The following DLG1 variants were observed in gnomAD, a reference collection of about 807,000 sequenced individuals.
DLG1 encodes disks large homolog 1.
A neutral mutation model predicts 123.4 loss-of-function variants in DLG1; 42 were observed. The observed-to-expected ratio is 0.34, with a 90% confidence interval of 0.27 to 0.44. The LOEUF (loss-of-function observed/expected upper bound fraction) is 0.44. Among genes scored for constraint, DLG1 ranks in the 20% least tolerant of loss-of-function variants. The pLI, the probability that DLG1 is intolerant of heterozygous loss-of-function variation, is 1.00. For synonymous variants in DLG1, 317 were observed against 356.2 expected, an observed-to-expected ratio of 0.89 and a Z score of 1.24; for missense variants, 942 against 1,082.6, an observed-to-expected ratio of 0.87 and a Z score of 1.82.
chr3:197,176,245 A>C (rs545518238), intron 5 of DLG1, among the ~76,000 whole-genome samples: 1 of 152,196 alleles, frequency 6.6e-6, no homozygotes, highest in South Asian at 2.1e-4. Flanking sequence ...CTGCTCACAC[A>C]CATAAACTAT....
intron 24 of DLG1, among the ~76,000 whole-genome samples, chr3:197,050,382 C>T (rs78541075): frequency 6.6e-6 from 1 of 150,454 alleles, no homozygotes. Context: ...AAAACAACAA[C>T]AAAAAAAACC....
At chr3:197,235,345 G>C (rs1390296739) in intron 4 of DLG1, among the ~76,000 whole-genome samples, 1 of 152,194 alleles carries the variant, frequency 6.6e-6, no homozygotes, top group Non-Finnish European at 1.5e-5. Context: ...AAATCAAATA[G>C]TGAGTACCCT....
intron 14 of DLG1, among the ~76,000 whole-genome samples, chr3:197,093,819 C>A (rs1209815996): frequency 6.6e-6 from 1 of 152,164 alleles, no homozygotes; most frequent in Non-Finnish European, 1.5e-5. Flanking sequence ...ATGCCTGCAT[C>A]CCACATGCTC....
At chr3:197,139,100 C>T (rs960364204) in intron 8 of DLG1, among the ~76,000 whole-genome samples, 4 of 152,030 alleles carry the variant, frequency 2.6e-5, no homozygotes, top group Admixed American at 2.0e-4. Context: ...TATAATTTGC[C>T]ATGGTGTTAT....
intron 5 of DLG1, among the ~76,000 whole-genome samples, chr3:197,181,019 T>G (rs1809995274): frequency 1.3e-5 from 2 of 152,180 alleles, no homozygotes; most frequent in African/African-American, 2.4e-5. Context: ...CAAAAAACAT[T>G]AATGACTTCC....
intron 4 of DLG1, among the ~76,000 whole-genome samples, chr3:197,269,059 C>A (rs1187660024): frequency 1.3e-5 from 2 of 152,110 alleles, no homozygotes; most frequent in African/African-American, 4.8e-5. Context: ...GAAGGGCCTG[C>A]CTGAGGCCGT....
chr3:197,160,245 A>G (rs886631457), intron 5 of DLG1, among the ~76,000 whole-genome samples: 1 of 152,142 alleles, frequency 6.6e-6, no homozygotes, highest in African/African-American at 2.4e-5. Context: ...TCTGAATAGG[A>G]AAAGACAGGC....
At chr3:197,051,523 T>C (rs957679846) in intron 24 of DLG1, 54 bp downstream of exon 24, 8 of 1,466,622 alleles carry the variant, frequency 5.5e-6, no homozygotes, top group South Asian at 1.1e-5. Flanking sequence ...TCGGTTCACA[T>C]GGCTTCAAAG....
chr3:197,140,058 T>C (rs1787214832), intron 8 of DLG1, 82 bp downstream of exon 8: 1 of 1,462,106 alleles, frequency 6.8e-7, no homozygotes. Flanking sequence ...TGTTTGTTAT[T>C]TGTATTTATC....
chr3:197,149,352 CTAAT>C (rs561755357), intron 6 of DLG1, among the ~76,000 whole-genome samples: 49 of 152,164 alleles, frequency 3.2e-4, no homozygotes, highest in African/African-American at 1.1e-3. Context: ...AAAGTTATAA[CTAAT>C]TATTTTCGTA....
At chr3:197,260,527 T>C (rs1758867703) in intron 4 of DLG1, 1 of 166,582 alleles carries the variant, frequency 6.0e-6, no homozygotes, top group African/African-American at 2.4e-5. Context: ...AATCTGTATC[T>C]GAAGAACTTG....
chr3:197,083,031 G>A (rs1387644195), intron 16 of DLG1, among the ~76,000 whole-genome samples: 1 of 152,182 alleles, frequency 6.6e-6, no homozygotes, highest in African/African-American at 2.4e-5. Context: ...AGGCATAGAG[G>A]AAGCATTTCC....
chr3:197,189,426 A>G (rs1717993469), intron 5 of DLG1, among the ~76,000 whole-genome samples: 1 of 152,260 alleles, frequency 6.6e-6, no homozygotes, highest in South Asian at 2.1e-4. Context: ...TTAACATATT[A>G]AAGTGTGATT....
At chr3:197,197,492 G>GA (rs1216400828) in intron 4 of DLG1, among the ~76,000 whole-genome samples, 1 of 152,156 alleles carries the variant, frequency 6.6e-6, no homozygotes, top group Non-Finnish European at 1.5e-5. Context: ...GGTGAAACAG[G>GA]AAAAATGCCC....
At chr3:197,184,007 T>C in intron 5 of DLG1, 1 of 1,371,726 alleles carries the variant, frequency 7.3e-7, no homozygotes, top group African/African-American at 1.5e-5. Flanking sequence ...TCTGTACCTG[T>C]TAGCTGTATG....
intron 4 of DLG1, among the ~76,000 whole-genome samples, chr3:197,228,263 C>T (rs1009190414): frequency 1.4e-4 from 22 of 152,140 alleles, no homozygotes; most frequent in Admixed American, 2.6e-4. Context: ...AGGTTGTACA[C>T]GCTGAGTCTT....
chr3:197,297,984 CCTT>C (rs1778347273), intron 1 of DLG1: 3 of 952,516 alleles, frequency 3.1e-6, no homozygotes, highest in Non-Finnish European at 3.7e-6. Context: ...GCCTCGTCCT[CCTT>C]CTCGGCCGCG....
chr3:197,074,459 T>A (rs1745988225), intron 18 of DLG1, among the ~76,000 whole-genome samples: 1 of 152,126 alleles, frequency 6.6e-6, no homozygotes, highest in Admixed American at 6.5e-5. Context: ...ATTCTTCATT[T>A]AGTTTCTTTT....
At chr3:197,249,764 C>G (rs1753478402) in intron 4 of DLG1, among the ~76,000 whole-genome samples, 1 of 152,162 alleles carries the variant, frequency 6.6e-6, no homozygotes, top group South Asian at 2.1e-4. Flanking sequence ...GTGTGACATA[C>G]ACAAACCAAT....
Sources: gnomAD v4.1 joint callset for allele counts (sites outside exome capture counted in the v4.1 genomes callset) on GRCh38, gnomAD v4.1.1 for gene constraint, MANE v1.5 for transcripts, NCBI Gene and HGNC (gene_info 2026-07-23, HGNC 2026-07-21) for gene names.